The following CHL1 variants were observed in gnomAD, a reference collection of about 807,000 sequenced individuals.
CHL1 encodes cell adhesion molecule L1 like, also known as neural cell adhesion molecule L1-like protein.
CHL1 carries 96 observed loss-of-function variants against 141.9 expected under a neutral mutation model. The ratio of observed to expected loss-of-function variants is 0.68; its 90% CI spans 0.57 to 0.80. The LOEUF is 0.80. CHL1 is among the 30% of genes least tolerant of loss of function. The pLI, the probability that CHL1 is intolerant of heterozygous loss-of-function variation, is 0.00. For synonymous variants in CHL1, 613 were observed against 502.2 expected (o/e 1.22, Z -2.95); for missense variants, 1,820 against 1,457.2 (o/e 1.25, Z -4.05).
At chr3:343,809 A>T (rs188363113) in intron 8 of CHL1, among the ~76,000 whole-genome samples, 8 of 152,278 alleles carry the variant, frequency 5.3e-5, no homozygotes, top group East Asian at 3.9e-4. Context: ...GAGATTAATA[A>T]CTCACACATA....
intron 10 of CHL1, among the ~76,000 whole-genome samples, chr3:350,193 A>G (rs1191334093): frequency 6.6e-6 from 1 of 152,230 alleles, no homozygotes; most frequent in Non-Finnish European, 1.5e-5. Context: ...CTGTAAATTC[A>G]GAGATTTTGA....
At chr3:221,284 C>G (rs1340340304) in intron 1 of CHL1, among the ~76,000 whole-genome samples, 1 of 152,196 alleles carries the variant, frequency 6.6e-6, no homozygotes, top group African/African-American at 2.4e-5. Flanking sequence ...GAATAAATCT[C>G]ATCAAATATT....
chr3:278,452 T>C (rs542623397), intron 2 of CHL1, among the ~76,000 whole-genome samples: 1 of 152,274 alleles, frequency 6.6e-6, no homozygotes, highest in South Asian at 2.1e-4. Flanking sequence ...TTGCATGCGA[T>C]CCCAGGGGAC....
At chr3:382,376 A>C in intron 17 of CHL1, 96 bp downstream of exon 17, 1 of 1,461,296 alleles carries the variant, frequency 6.8e-7, no homozygotes, top group Non-Finnish European at 9.5e-7. Context: ...TATTCTTCTT[A>C]TAACATCCTT....
intron 2 of CHL1, among the ~76,000 whole-genome samples, chr3:254,965 G>A (rs367016): frequency 0.23 from 34,335 of 151,994 alleles, 4,571 homozygotes; most frequent in East Asian, 0.39. Context: ...AGAAGCCAAA[G>A]TTATATTTCC....
chr3:314,352 T>TATAA (rs1700004040), intron 2 of CHL1, among the ~76,000 whole-genome samples: 1 of 125,650 alleles, frequency 8.0e-6, no homozygotes, highest in Admixed American at 7.8e-5. Context: ...TATATATATA[T>TATAA]ATATATATAT....
intron 9 of CHL1, among the ~76,000 whole-genome samples, chr3:345,818 T>C (rs924484340): frequency 3.9e-4 from 60 of 152,310 alleles, no homozygotes; most frequent in African/African-American, 1.3e-3. Flanking sequence ...AAGAAAACCC[T>C]AAAGGACCTC....
chr3:392,275 G>A (rs373582737), intron 23 of CHL1, among the ~76,000 whole-genome samples: 3 of 152,192 alleles, frequency 2.0e-5, no homozygotes, highest in Admixed American at 6.5e-5. Flanking sequence ...CAAAGCATAG[G>A]TACCTTCCAC....
chr3:243,685 T>TA (rs1019150937), intron 1 of CHL1, among the ~76,000 whole-genome samples: 33 of 152,312 alleles, frequency 2.2e-4, no homozygotes, highest in African/African-American at 7.7e-4. Context: ...TGTCAAATAA[T>TA]ACACAGAGTG....
At chr3:337,979 C>A (rs1482256652) in intron 5 of CHL1, among the ~76,000 whole-genome samples, 1 of 152,178 alleles carries the variant, frequency 6.6e-6, no homozygotes, top group East Asian at 1.9e-4. Flanking sequence ...AGTTTACAGT[C>A]CCACCAACAG....
chr3:354,594 TTTG>T (rs1325061904), intron 10 of CHL1, 43 bp from the exon 11 acceptor site: 1 of 1,566,170 alleles, frequency 6.4e-7, no homozygotes, highest in Non-Finnish European at 8.6e-7. Flanking sequence ...TTTTGGACTT[TTTG>T]ACATAGATAA....
intron 11 of CHL1, among the ~76,000 whole-genome samples, chr3:359,925 G>A (rs886907164): frequency 2.6e-5 from 4 of 152,130 alleles, no homozygotes; most frequent in African/African-American, 9.7e-5. Flanking sequence ...CTTGTGCCAG[G>A]CAGCATCAGT....
intron 15 of CHL1, among the ~76,000 whole-genome samples, chr3:377,539 G>A (rs1271322859): frequency 6.6e-6 from 1 of 152,080 alleles, no homozygotes; most frequent in East Asian, 1.9e-4. Flanking sequence ...AACATGCCAG[G>A]CAACATACAG....
At chr3:327,304 A>G (rs182592081) in intron 4 of CHL1, among the ~76,000 whole-genome samples, 13 of 152,078 alleles carry the variant, frequency 8.5e-5, no homozygotes, top group African/African-American at 2.9e-4. Context: ...GCTGAATACA[A>G]TCTAATTGGG....
At chr3:204,460 A>C (rs1421610328) in intron 1 of CHL1, among the ~76,000 whole-genome samples, 1 of 152,250 alleles carries the variant, frequency 6.6e-6, no homozygotes, top group Non-Finnish European at 1.5e-5. Flanking sequence ...CACTGGTTGC[A>C]TCTTAATGTG....
At chr3:305,138 A>C (rs1464012545) in intron 2 of CHL1, among the ~76,000 whole-genome samples, 5 of 152,300 alleles carry the variant, frequency 3.3e-5, no homozygotes, top group African/African-American at 1.2e-4. Context: ...GTAGAAAAGA[A>C]TGACAGTTTG....
At chr3:362,555 C>T (rs183397827) in intron 13 of CHL1, among the ~76,000 whole-genome samples, 291 of 152,100 alleles carry the variant, frequency 1.9e-3, no homozygotes, top group African/African-American at 6.6e-3. Context: ...TGGGGCAAGC[C>T]TCCCACTTGC....
In CHL1 at chr3:326,209, CA is replaced by C. The variant is rs34362207; in HGVS notation, c.197+155del. Reference sequence around the variant, plus strand: ...TTACAAAAAATCATATCCATGCAAACAAAAAAAAAATTTGGTTATTTCACAT... The same window carrying C: ...TTACAAAAAATCATATCCATGCAAACAAAAAAAAATTTGGTTATTTCACAT... On this transcript the variant is annotated intron_variant, in intron 4 of 27. Transcript: ENST00000256509. 3,981 of 449,466 alleles carry C rather than the reference CA, an allele frequency of 8.9e-3. 34 individuals carry two copies. Among genetic ancestry groups the C allele is most frequent in the African/African-American group, 0.029 (1,394 of 48,486 alleles). 27.8% of individuals were successfully genotyped at this position (449,466 alleles called of 1,614,324 possible).
At chr3:222,187 A>G (rs985319149) in intron 1 of CHL1, among the ~76,000 whole-genome samples, 1 of 152,202 alleles carries the variant, frequency 6.6e-6, no homozygotes, top group Non-Finnish European at 1.5e-5. Context: ...TTTTTCTGTT[A>G]GAGATCTGAA....
Sources: gnomAD v4.1 joint callset for allele counts (sites outside exome capture counted in the v4.1 genomes callset) on GRCh38, gnomAD v4.1.1 for gene constraint, MANE v1.5 for transcripts, NCBI Gene and HGNC (gene_info 2026-07-23, HGNC 2026-07-21) for gene names.